Variants in MYO15A observed in about 807,000 individuals in gnomAD.
MYO15A encodes unconventional myosin-XV.
A neutral mutation model predicts 394.6 loss-of-function variants in MYO15A; 308 were observed. The ratio of observed to expected loss-of-function variants is 0.78; its 90% CI spans 0.71 to 0.86. The LOEUF (loss-of-function observed/expected upper bound fraction) is 0.86, where lower values mean the gene tolerates loss of function less well. Among genes scored for constraint, MYO15A ranks in the 40% least tolerant of loss-of-function variants. The pLI is 0.00. For missense variants in MYO15A, 4,606 were observed against 4,799.1 expected, an observed-to-expected ratio of 0.96 and a Z score of 1.19; for synonymous variants, 1,957 against 2,003.8, an observed-to-expected ratio of 0.98 and a Z score of 0.62.
At chr17:18,174,060 G>T in intron 65 of MYO15A, 139 bp downstream of exon 65, 1 of 1,252,642 alleles carries the variant, frequency 8.0e-7, no homozygotes, top group Non-Finnish European at 1.1e-6. Flanking sequence ...GCACAGCACG[G>T]AACTGCAGAT....
At chr17:18,131,410 C>G in intron 9 of MYO15A, 58 bp from the exon 10 acceptor site, 3 of 1,613,190 alleles carry the variant, frequency 1.9e-6, no homozygotes, top group Non-Finnish European at 2.5e-6. Context: ...CACAGCCCCT[C>G]GGAGCCAACA....
chr17:18,154,745 G>A lies in MYO15A; in HGVS notation c.8214G>A (p.Lys2738=). The change falls in exon 45 of 66, where the codon AAG becomes AAA. Residue 2738 remains lysine, a synonymous_variant. Transcript: ENST00000647165. ...RISEDERLRM[K]ALFAQNQLDT... ...CTGAGGATGAGAGGCTCAGGATGAA[G>A]GCCTTGTTTGGTATCTCGGGGGAGA... 6.2e-7 allele frequency: 1 copy of A among 1,613,666 alleles called. No homozygotes were observed. The highest frequency in any genetic ancestry group is 1.3e-5 in the African/African-American group (1 of 75,038).
At chr17:18,124,359 C>T in intron 2 of MYO15A, 124 bp from the exon 3 acceptor site, 1 of 931,264 alleles carries the variant, frequency 1.1e-6, no homozygotes, top group Non-Finnish European at 1.7e-6. Context: ...ACCTGCAGGA[C>T]CCACCTGGCC....
rs776504282 is a variant in MYO15A, at chr17:18,130,796, C to T, written c.4033-9C>T. 5.6e-6 allele frequency: 9 copies of T among 1,608,920 alleles called. No individual in the cohort carries two copies. Among genetic ancestry groups the T allele is most frequent in the Non-Finnish European group, 7.6e-6 (9 of 1,178,902 alleles). ...GTCTCTTTGTCCTCCCTCCTGGACGCTCTTGAAGATAAAGGTACTCAGTGT... is the reference window on the plus strand; with the variant it reads ...GTCTCTTTGTCCTCCCTCCTGGACGTTCTTGAAGATAAAGGTACTCAGTGT... On this transcript the variant is annotated splice_polypyrimidine_tract_variant and intron_variant, in intron 7 of 65. Coordinates refer to ENST00000647165, the MANE Select transcript of MYO15A (RefSeq NM_016239.4).
At position 18,158,617 on chromosome 17, in the gene MYO15A, G is replaced by C. The variant is rs2046725109; in HGVS notation, c.9062G>C (p.Arg3021Pro). 6.2e-7 allele frequency: 1 copy of C among 1,614,036 alleles called. No homozygotes were observed. Among genetic ancestry groups the C allele is most frequent in the South Asian group, 1.1e-5 (1 of 91,086 alleles). The change falls in exon 52 of 66, where the codon CGA becomes CCA. Residue 3021 changes from arginine (R) to proline (P), a missense_variant. By Grantham distance (103) the Arg-to-Pro change is moderately radical. Transcript: ENST00000647165. The stretch of plus-strand genomic sequence containing the variant: ...CTCGAGTTTGCCCAGAAGTATTTCC[G>C]AGACCCTCAGAGGAGACCCCAGTGA... ...TMLEFAQKYFRDPQRRPQDGL... is the reference protein window; with the variant it reads ...TMLEFAQKYFPDPQRRPQDGL...
At position 18,178,800 on chromosome 17, in the gene MYO15A, A is replaced by T; in HGVS notation, c.10523A>T (p.His3508Leu). ...GAACTGTGTCGTGTGGTGGCCGTGCACGTGGAGAACCTGCTCAGTGCCCAT... is the reference window on the plus strand; with the variant it reads ...GAACTGTGTCGTGTGGTGGCCGTGCTCGTGGAGAACCTGCTCAGTGCCCAT... ...GLELCRVVAV[H>L]VENLLSAHEK... The change falls in exon 66 of 66, where the codon CAC becomes CTC. Residue 3508 changes from histidine (H) to leucine (L), a missense_variant. Physicochemically the swap from His to Leu is moderately conservative, Grantham distance 99 (BLOSUM62 -3). This residue lies in a region of MYO15A where 2,776 missense variants were observed against 3,109.3 expected (regional missense o/e 0.89). Transcript: ENST00000647165. 6.2e-7 allele frequency: 1 copy of T among 1,614,008 alleles called. No homozygotes were observed. The highest frequency in any genetic ancestry group is 8.5e-7 in the Non-Finnish European group (1 of 1,180,008).
At chr17:18,124,778 G>A (rs2046002530) in intron 3 of MYO15A, 3 of 605,178 alleles carry the variant, frequency 5.0e-6, no homozygotes, top group South Asian at 4.0e-5. Flanking sequence ...GCTGGCAGAC[G>A]TTGCACAAAT....
Position 18,133,380 on chromosome 17 carries a change from G to A in MYO15A, c.4476G>A (p.Lys1492=). 6.2e-7 allele frequency: 1 copy of A among 1,614,150 alleles called. No homozygotes were observed. The highest frequency in any genetic ancestry group is 8.5e-7 in the Non-Finnish European group (1 of 1,179,986). ...ILHLGNVYFE[K]YETDAQEVAS... ...ACCTGGGCAACGTCTACTTTGAGAA[G>A]TATGAGGTGAGGGGACGCCACAGCC... Residue 1492 remains lysine, a synonymous_variant, in exon 12 of 66, where the codon AAG becomes AAA. Coordinates refer to ENST00000647165, the MANE Select transcript of MYO15A (RefSeq NM_016239.4).
At chr17:18,173,060 C>T (rs144328136) in intron 64 of MYO15A, among the ~76,000 whole-genome samples, 3 of 152,230 alleles carry the variant, frequency 2.0e-5, no homozygotes, top group African/African-American at 7.2e-5. Context: ...AGGGATGGAG[C>T]CAGTAGAGGG....
Position 18,122,373 on chromosome 17 carries a change from C to G in MYO15A, c.3573C>G (p.Ser1191=). 6.2e-7 allele frequency: 1 copy of G among 1,612,772 alleles called. No individual in the cohort carries two copies. Among genetic ancestry groups the G allele is most frequent in the Non-Finnish European group, 8.5e-7 (1 of 1,179,920 alleles). Reference sequence around the variant, plus strand: ...CTGCCTGCCTGTCCCTTAGGGGCTCCTGGGAGGAGGTCGGCCCGCCAAGCT... The same window carrying G: ...CTGCCTGCCTGTCCCTTAGGGGCTCGTGGGAGGAGGTCGGCCCGCCAAGCT... The part of the protein sequence containing the change: ...PGAACLSLRG[S]WEEVGPPSWR... Residue 1191 remains serine (S), a synonymous_variant, in exon 2 of 66, where the codon TCC becomes TCG. Transcript: ENST00000647165.
chr17:18,137,308 T>G (rs2046297946), intron 15 of MYO15A, among the ~76,000 whole-genome samples: 1 of 152,200 alleles, frequency 6.6e-6, no homozygotes, highest in South Asian at 2.1e-4. Context: ...AACTGAGGCA[T>G]GGGGCTGTTA....
In MYO15A at chr17:18,140,559, C is replaced by A. The variant is rs765916951; in HGVS notation, c.5254C>A (p.Pro1752Thr). Residue 1752 changes from proline (P) to threonine (T), a missense_variant, in exon 20 of 66, where the codon CCT (proline) becomes ACT (threonine). This residue lies in a region of MYO15A where 2,776 missense variants were observed against 3,109.3 expected (regional missense o/e 0.89). Transcript: ENST00000647165. ...CTCCAGCCATGCCCCACAGGCTGCCCCTCAGCGCCTGGGCAAGAGCAGCTC... is the reference window on the plus strand; with the variant it reads ...CTCCAGCCATGCCCCACAGGCTGCCACTCAGCGCCTGGGCAAGAGCAGCTC... Reference protein sequence around the residue: ...LFSSHAPQAAPQRLGKSSSVT... With the variant: ...LFSSHAPQAATQRLGKSSSVT... 1 of 1,613,622 alleles carries A rather than the reference C, an allele frequency of 6.2e-7. No individual in the cohort carries two copies.
In MYO15A at chr17:18,133,381, T is replaced by G. The variant is rs1268398583; in HGVS notation, c.4477T>G (p.Tyr1493Asp). The G allele has an allele frequency of 1.9e-6, 3 of 1,614,012 alleles. No homozygotes were observed. Among genetic ancestry groups the G allele is most frequent in the Admixed American group, 3.3e-5 (2 of 59,996 alleles). ...CCTGGGCAACGTCTACTTTGAGAAG[T>G]ATGAGGTGAGGGGACGCCACAGCCT... The part of the protein sequence containing the change: ...LHLGNVYFEK[Y>D]ETDAQEVASV... The change falls in exon 12 of 66, where the codon TAT (tyrosine) becomes GAT (aspartate). Residue 1493 changes from tyrosine to aspartate, a missense_variant. Transcript: ENST00000647165.
chr17:18,166,075 C>T (rs2046849693), intron 60 of MYO15A, among the ~76,000 whole-genome samples: 1 of 152,214 alleles, frequency 6.6e-6, no homozygotes, highest in African/African-American at 2.4e-5. Context: ...CGGGGCACTC[C>T]TCAGGAGCCC....
In MYO15A at chr17:18,148,336, G is replaced by GT; in HGVS notation, c.6691+127dup. On this transcript the variant is annotated intron_variant, in intron 31 of 65. Transcript: ENST00000647165. This position sits in a 1 kb window ranked among gnomAD's most constrained non-coding sequence, Gnocchi z 4.8. ...GGGGCCTTCTCAGATGTGGCTCTGC[G>GT]TGAAAGTCTGTGTGTGGGGGTGGGA... The GT allele has an allele frequency of 6.1e-6, 9 of 1,470,254 alleles. No individual in the cohort carries two copies. Among genetic ancestry groups the GT allele is most frequent in the Non-Finnish European group, 8.3e-6 (9 of 1,080,294 alleles). 91.1% of individuals were successfully genotyped at this position (1,470,254 alleles called of 1,614,324 possible). A position where few individuals can be genotyped will look rare whatever the true frequency, so the allele number is the denominator to read the frequency against.
At position 18,140,502 on chromosome 17, in the gene MYO15A, C is replaced by A; in HGVS notation, c.5212-15C>A. ...ACCCTGCCTGTCTGTTTTCCCTGCC[C>A]CGACCCCTGCCCAGGTGGTGGCACA... On this transcript the variant is annotated splice_polypyrimidine_tract_variant and intron_variant, in intron 19 of 65. Coordinates refer to ENST00000647165, the MANE Select transcript of MYO15A (RefSeq NM_016239.4). 1 of 1,613,430 alleles carries A rather than the reference C, an allele frequency of 6.2e-7. No individual in the cohort carries two copies. Among genetic ancestry groups the A allele is most frequent in the Non-Finnish European group, 8.5e-7 (1 of 1,180,004 alleles).
At chr17:18,140,410 G>C in intron 19 of MYO15A, 107 bp from the exon 20 acceptor site, 1 of 1,491,938 alleles carries the variant, frequency 6.7e-7, no homozygotes, top group Non-Finnish European at 9.2e-7. Flanking sequence ...GGTCCAGTTA[G>C]TCTTCAGATC....
chr17:18,138,958 C>G (rs1159159036), intron 18 of MYO15A, 22 bp downstream of exon 18: 1 of 1,606,750 alleles, frequency 6.2e-7, no homozygotes, highest in East Asian at 2.2e-5. Flanking sequence ...GACAGTCGGC[C>G]TGGACGCTGG....
At chr17:18,169,970 CAAAAAAAAAAAA>C (rs202026399) in intron 62 of MYO15A, among the ~76,000 whole-genome samples, 13,274 of 59,938 alleles carry the variant, frequency 0.22, 1,004 homozygotes, top group East Asian at 0.47. Flanking sequence ...GACCCTGTCT[CAAAAAAAAAAAA>C]AAAAAAAAAA....
Sources: allele counts gnomAD v4.1 joint callset (sites outside exome capture counted in the v4.1 genomes callset), GRCh38; gene constraint gnomAD v4.1.1; regional missense constraint gnomAD v4.1.1; non-coding constraint Gnocchi (gnomAD v3.1); transcripts MANE v1.5; gene names NCBI Gene and HGNC (gene_info 2026-07-23, HGNC 2026-07-21).